The following ADGRD1 variants were observed in gnomAD, a reference collection of about 807,000 sequenced individuals.
ADGRD1 encodes adhesion G protein-coupled receptor D1.
A neutral mutation model predicts 113.4 loss-of-function variants in ADGRD1; 77 were observed. That is an observed-to-expected ratio of 0.68 (90% CI 0.57 to 0.82). ADGRD1 has a LOEUF of 0.82. Ranked by LOEUF, ADGRD1 falls within the 40% of genes least tolerant of loss-of-function variation. The pLI, the probability that ADGRD1 is intolerant of heterozygous loss-of-function variation, is 0.00. For missense variants in ADGRD1, 1,036 were observed against 1,139.1 expected (o/e 0.91, Z 1.30); for synonymous variants, 474 against 475.0 (o/e 1.00, Z 0.03).
chr12:130,958,239 G>A (rs1423073668), intron 2 of ADGRD1, among the ~76,000 whole-genome samples: 2 of 122,542 alleles, frequency 1.6e-5, no homozygotes, highest in East Asian at 2.7e-4. Flanking sequence ...TTTCTCTGTC[G>A]CCCAGGCTGG....
chr12:130,992,856 T>C (rs1163883357), intron 8 of ADGRD1, among the ~76,000 whole-genome samples: 1 of 152,186 alleles, frequency 6.6e-6, no homozygotes, highest in Non-Finnish European at 1.5e-5. Context: ...ATCAAGATGG[T>C]TTCTCTTTCT....
intron 13 of ADGRD1, among the ~76,000 whole-genome samples, chr12:131,063,429 G>A (rs1428845618): frequency 6.6e-6 from 1 of 152,004 alleles, no homozygotes; most frequent in Admixed American, 6.6e-5. Flanking sequence ...AAAGTGTTAT[G>A]GTTTTATTTT....
chr12:130,992,475 C>T (rs1163238311), intron 8 of ADGRD1, 83 bp downstream of exon 8: 6 of 1,241,554 alleles, frequency 4.8e-6, no homozygotes, highest in African/African-American at 3.0e-5. Context: ...TGACCTAGAT[C>T]GAGTTTAAAA....
chr12:130,981,872 G>A lies in ADGRD1; in HGVS notation c.311-12G>A, dbSNP rs564260298. ...GCTCTCTGTGAATAACTGATCTTGT[G>A]ACTTTCCTCAGGGGTCACGTTTTCT... On this transcript the variant is annotated splice_polypyrimidine_tract_variant and intron_variant, in intron 4 of 24. Coordinates refer to ENST00000261654, the MANE Select transcript of ADGRD1 (RefSeq NM_198827.5). The A allele has an allele frequency of 6.3e-7, 1 of 1,598,238 alleles. No homozygotes were observed. Among genetic ancestry groups the A allele is most frequent in the South Asian group, 1.1e-5 (1 of 90,260 alleles).
intron 13 of ADGRD1, among the ~76,000 whole-genome samples, chr12:131,045,852 G>A (rs1198471155): frequency 2.6e-5 from 4 of 152,006 alleles, no homozygotes; most frequent in Admixed American, 6.6e-5. Flanking sequence ...GATAGCGCCC[G>A]TCCTGGTCAG....
At chr12:130,988,201 G>T (rs946442796) in intron 6 of ADGRD1, 3 of 142,584 alleles carry the variant, frequency 2.1e-5, no homozygotes, top group African/African-American at 7.4e-5. Flanking sequence ...TTAGCACAAT[G>T]CCTGGCATAT....
chr12:131,029,280 G>A (rs1251944255), intron 13 of ADGRD1, among the ~76,000 whole-genome samples: 1 of 152,222 alleles, frequency 6.6e-6, no homozygotes, highest in Non-Finnish European at 1.5e-5. Flanking sequence ...ACTTGAACCT[G>A]CAGTGCGAAT....
chr12:131,000,515 G>T (rs771597537), intron 9 of ADGRD1, 73 bp downstream of exon 9: 3 of 1,191,748 alleles, frequency 2.5e-6, no homozygotes, highest in South Asian at 2.4e-5. Context: ...GCCAAGGCGG[G>T]TGGATCACTT....
chr12:131,057,167 C>T lies in ADGRD1; in HGVS notation c.1474-19634C>T, dbSNP rs1883936190. Among the ~76,000 whole-genome samples, 1 of 152,172 alleles carries T rather than the reference C, an allele frequency of 6.6e-6. No homozygotes were observed. Among genetic ancestry groups the T allele is most frequent in the Non-Finnish European group, 1.5e-5 (1 of 68,034 alleles). On this transcript the variant is annotated intron_variant, in intron 13 of 24. Coordinates refer to ENST00000261654, the MANE Select transcript of ADGRD1 (RefSeq NM_198827.5). The surrounding 1 kb of genome is among the most constrained non-coding windows in gnomAD (Gnocchi z 4.2). ...AATTGTTGCAGGAAATAATCACAGG[C>T]TACCCCCGCTGTGATAAACAGGTTT...
chr12:131,102,790 G>A (rs1160349340), intron 15 of ADGRD1, among the ~76,000 whole-genome samples: 2 of 152,334 alleles, frequency 1.3e-5, no homozygotes, highest in East Asian at 1.9e-4. Flanking sequence ...AAATATGGGA[G>A]GCCAGGCCCA....
intron 23 of ADGRD1, chr12:131,137,844 C>CCCCCCCCCTTTT: frequency 5.4e-6 from 1 of 185,976 alleles, no homozygotes; most frequent in South Asian, 1.4e-4. Context: ...GCCCACCACG[C>CCCCCCCCCTTTT]ATTTGTTTAT....
At chr12:131,131,872 C>A in intron 21 of ADGRD1, 56 bp downstream of exon 21, 1 of 1,164,572 alleles carries the variant, frequency 8.6e-7, no homozygotes, top group Non-Finnish European at 1.3e-6. Context: ...CCAGAGGATG[C>A]TTTGAGGTCA....
At chr12:130,956,890 C>T (rs530869496) in intron 2 of ADGRD1, 1 of 152,510 alleles carries the variant, frequency 6.6e-6, no homozygotes, top group Non-Finnish European at 1.5e-5. Context: ...TGCATACACA[C>T]ACACACCAGA....
Position 131,087,680 on chromosome 12 carries a change from C to T in ADGRD1, c.1671+3017C>T, listed in dbSNP as rs117896827. ...GGGGATGTTCCTTAAGGAGTGTTTC[C>T]CCTAGAGCAGCTGCCCCGCCAGCGA... is the stretch of plus-strand genomic sequence containing the variant. On this transcript the variant is annotated intron_variant, in intron 15 of 24. Transcript: ENST00000261654. Among the ~76,000 whole-genome samples, 978 of 152,250 alleles carry T rather than the reference C, an allele frequency of 6.4e-3. 4 individuals are homozygous for T. Among genetic ancestry groups the T allele is most frequent in the Non-Finnish European group, 0.011 (732 of 68,012 alleles).
intron 13 of ADGRD1, among the ~76,000 whole-genome samples, chr12:131,073,207 A>G (rs1358386448): frequency 1.3e-5 from 2 of 152,248 alleles, no homozygotes; most frequent in Admixed American, 6.5e-5. Context: ...TGCCTCATCC[A>G]TGCTGGACTG....
chr12:130,991,431 G>GA lies in ADGRD1; in HGVS notation c.810+358dup, dbSNP rs1451452696. ...GTTAGAGAAAAGTTCAATTCATATA[G>GA]AAAAATTCTTGTCTGGAATTAGTGT... On this transcript the variant is annotated intron_variant, in intron 7 of 24. Coordinates refer to ENST00000261654, the MANE Select transcript of ADGRD1 (RefSeq NM_198827.5). Among the ~76,000 whole-genome samples the GA allele has an allele frequency of 2.6e-5, 4 of 152,064 alleles. No individual in the cohort carries two copies. The East Asian group carries it at 7.7e-4, about 29-fold the overall frequency.
intron 20 of ADGRD1, among the ~76,000 whole-genome samples, chr12:131,130,426 C>T (rs1950884570): frequency 6.6e-6 from 1 of 152,136 alleles, no homozygotes; most frequent in South Asian, 2.1e-4. Context: ...AGGGGGCGGC[C>T]CCACCACGCA....
rs566167792 is a variant in ADGRD1 at position 131,086,526 on chromosome 12, G to T, written c.1671+1863G>T. Among the ~76,000 whole-genome samples the T allele has an allele frequency of 2.0e-5, 3 of 152,360 alleles. No individual in the cohort carries two copies. In the South Asian group the frequency reaches 6.2e-4, roughly 32 times the overall value. ...GTGTGCAGAGGCCTGATGGACCACA[G>T]TTAACTCTCAGATCAATGGAGACAG... On this transcript the variant is annotated intron_variant, in intron 15 of 24. Coordinates refer to ENST00000261654, the MANE Select transcript of ADGRD1 (RefSeq NM_198827.5).
In ADGRD1 at chr12:131,011,943, G is replaced by T. The variant is rs1273467599; in HGVS notation, c.1332-2256G>T. 6.6e-5 allele frequency among the ~76,000 whole-genome samples: 10 copies of T among 152,178 alleles called. No homozygotes were observed. In the East Asian group the frequency reaches 1.7e-3, roughly 26 times the overall value. ...TTCTGCTGAGTGAGTCAGGCTGGGC[G>T]CCGCGGGGCTTTGCCTTGGTCCCCC... is the stretch of plus-strand genomic sequence containing the variant. On this transcript the variant is annotated intron_variant, in intron 12 of 24. Coordinates refer to ENST00000261654, the MANE Select transcript of ADGRD1 (RefSeq NM_198827.5).
Sources: gnomAD v4.1 joint callset for allele counts (sites outside exome capture counted in the v4.1 genomes callset) on GRCh38, gnomAD v4.1.1 for gene constraint, Gnocchi (gnomAD v3.1) non-coding constraint, MANE v1.5 for transcripts, NCBI Gene and HGNC (gene_info 2026-07-23, HGNC 2026-07-21) for gene names.